The following MAP3K5 variants were observed in gnomAD, a reference collection of about 807,000 sequenced individuals.
MAP3K5 encodes the protein mitogen-activated protein kinase kinase kinase 5, also known as ASK-1.
A neutral mutation model predicts 158.7 loss-of-function variants in MAP3K5; 56 were observed. That is an observed-to-expected ratio of 0.35 (90% CI 0.28 to 0.44). MAP3K5 has a LOEUF of 0.44. Ranked by LOEUF, MAP3K5 falls within the 20% of genes least tolerant of loss-of-function variation. The pLI is 1.00. For missense variants in MAP3K5, 1,294 were observed against 1,674.8 expected, an observed-to-expected ratio of 0.77 and a Z score of 3.97; for synonymous variants, 579 against 601.7, an observed-to-expected ratio of 0.96 and a Z score of 0.55.
intron 25 of MAP3K5, among the ~76,000 whole-genome samples, chr6:136,576,206 G>A (rs183527187): frequency 6.6e-6 from 1 of 151,958 alleles, no homozygotes; most frequent in East Asian, 1.9e-4. Context: ...AGATTGTTCT[G>A]GCTTGGACTG....
At position 136,791,703 on chromosome 6, in the gene MAP3K5, C is replaced by G. The variant is rs1006306922; in HGVS notation, c.448+7G>C. The G allele has an allele frequency of 3.7e-6, 6 of 1,612,898 alleles. No individual in the cohort carries two copies. The highest frequency in any genetic ancestry group is 5.1e-6 in the Non-Finnish European group (6 of 1,179,932). On this transcript the variant is annotated splice_region_variant and intron_variant, in intron 1 of 29. Transcript: ENST00000359015. ...CGCGCGGGATGGGAAAGGGGTCACA[C>G]ACGCACCTGCATTGTAAAAGCGGTC...
At chr6:136,574,211 A>T (rs1225292832) in intron 25 of MAP3K5, among the ~76,000 whole-genome samples, 1 of 152,062 alleles carries the variant, frequency 6.6e-6, no homozygotes, top group African/African-American at 2.4e-5. Flanking sequence ...GATTATAGGC[A>T]TGAGCCACCA....
At chr6:136,656,623 CTT>C (rs144822542) in intron 9 of MAP3K5, among the ~76,000 whole-genome samples, 163 bp from the exon 10 acceptor site, 7 of 145,348 alleles carry the variant, frequency 4.8e-5, no homozygotes, top group African/African-American at 7.5e-5. Flanking sequence ...TGTTTTCACA[CTT>C]TTTTTTTTTT....
chr6:136,581,574 G>T (rs1158908140), intron 24 of MAP3K5, among the ~76,000 whole-genome samples: 1 of 152,146 alleles, frequency 6.6e-6, no homozygotes, highest in Non-Finnish European at 1.5e-5. Flanking sequence ...TGGGGAGATG[G>T]TGACCCAGCC....
At chr6:136,721,531 C>T (rs1781747103) in intron 1 of MAP3K5, among the ~76,000 whole-genome samples, 1 of 151,968 alleles carries the variant, frequency 6.6e-6, no homozygotes, top group African/African-American at 2.4e-5. Flanking sequence ...TTAGATTAGT[C>T]TAAAACTCCT....
At chr6:136,566,841 T>C (rs866892369) in intron 26 of MAP3K5, among the ~76,000 whole-genome samples, 2 of 152,356 alleles carry the variant, frequency 1.3e-5, no homozygotes, top group African/African-American at 4.8e-5. Context: ...GGAAATAAGA[T>C]ATTTTTAATC....
At chr6:136,749,372 C>CAAA in intron 1 of MAP3K5, among the ~76,000 whole-genome samples, 1 of 87,526 alleles carries the variant, frequency 1.1e-5, no homozygotes. Flanking sequence ...AACTCTGTAT[C>CAAA]AAAAAAAAAA....
intron 1 of MAP3K5, among the ~76,000 whole-genome samples, chr6:136,754,573 G>C (rs1049458726): frequency 7.0e-6 from 1 of 143,856 alleles, no homozygotes; most frequent in African/African-American, 2.6e-5. Context: ...AACAGAGAGA[G>C]ACCGCTCTCA....
At chr6:136,769,294 A>G (rs1562690529) in intron 1 of MAP3K5, among the ~76,000 whole-genome samples, 1 of 152,218 alleles carries the variant, frequency 6.6e-6, no homozygotes, top group African/African-American at 2.4e-5. Context: ...AGAAATACCT[A>G]GAATAGGCAA....
intron 12 of MAP3K5, among the ~76,000 whole-genome samples, chr6:136,642,034 A>T (rs13212584): frequency 0.3 from 14,830 of 48,770 alleles, 852 homozygotes; most frequent in South Asian, 0.39. Flanking sequence ...TAAAATAAAA[A>T]TAAAATAAAA....
chr6:136,761,952 A>G (rs911442840), intron 1 of MAP3K5, among the ~76,000 whole-genome samples: 17 of 152,232 alleles, frequency 1.1e-4, no homozygotes, highest in African/African-American at 4.1e-4. Context: ...AGGACTGGGC[A>G]TTCTCCTAAC....
chr6:136,791,206 G>C (rs1410449967), intron 1 of MAP3K5, among the ~76,000 whole-genome samples: 2 of 152,172 alleles, frequency 1.3e-5, no homozygotes, highest in Non-Finnish European at 2.9e-5. Context: ...CGAAGGTAAG[G>C]TGAGTTGGGA....
intron 3 of MAP3K5, among the ~76,000 whole-genome samples, chr6:136,703,388 T>C (rs1780935812): frequency 6.6e-6 from 1 of 152,198 alleles, no homozygotes; most frequent in African/African-American, 2.4e-5. Flanking sequence ...TACCCTCTTT[T>C]TAGCACATCA....
intron 20 of MAP3K5, 69 bp from the exon 21 acceptor site, chr6:136,601,111 CA>C: frequency 1.3e-6 from 2 of 1,498,096 alleles, no homozygotes; most frequent in South Asian, 1.1e-5. Flanking sequence ...GAGAAATCAA[CA>C]AAAAATGAAT....
intron 8 of MAP3K5, among the ~76,000 whole-genome samples, chr6:136,664,093 G>A (rs910261314): frequency 2.0e-5 from 3 of 152,138 alleles, no homozygotes; most frequent in Non-Finnish European, 2.9e-5. Flanking sequence ...TGAGCAAAAA[G>A]CTTCTTCATC....
chr6:136,740,385 C>A (rs143353434), intron 1 of MAP3K5, among the ~76,000 whole-genome samples: 1 of 152,218 alleles, frequency 6.6e-6, no homozygotes, highest in African/African-American at 2.4e-5. Flanking sequence ...TGAATTTCTG[C>A]TGTTTACTTA....
intron 27 of MAP3K5, 72 bp from the exon 28 acceptor site, chr6:136,561,717 A>C (rs1830522657): frequency 1.2e-6 from 1 of 817,372 alleles, no homozygotes; most frequent in South Asian, 1.4e-5. Flanking sequence ...CACAATCAAC[A>C]GACATTTATT....
intron 15 of MAP3K5, among the ~76,000 whole-genome samples, chr6:136,619,554 T>A (rs561813952): frequency 6.6e-6 from 1 of 152,024 alleles, no homozygotes; most frequent in East Asian, 1.9e-4. Context: ...CCCACCAGAG[T>A]AGTCCATTTG....
At chr6:136,752,015 A>G (rs1432651835) in intron 1 of MAP3K5, among the ~76,000 whole-genome samples, 3 of 152,162 alleles carry the variant, frequency 2.0e-5, no homozygotes, top group Non-Finnish European at 4.4e-5. Context: ...TTCATTCTAG[A>G]GCCTTTTTCT....
Sources: gnomAD v4.1 joint callset for allele counts (sites outside exome capture counted in the v4.1 genomes callset) on GRCh38, gnomAD v4.1.1 for gene constraint, MANE v1.5 for transcripts, NCBI Gene and HGNC (gene_info 2026-07-23, HGNC 2026-07-21) for gene names.